The following ITPA variants were observed in gnomAD, a reference collection of about 807,000 sequenced individuals.
ITPA encodes inosine triphosphatase.
Under a neutral mutation model 29.6 loss-of-function variants are expected in ITPA, and 29 were observed. That is an observed-to-expected ratio of 0.98 (90% CI 0.73 to 1.34). The LOEUF (loss-of-function observed/expected upper bound fraction) is 1.34, where lower values mean the gene tolerates loss of function less well. Ranked by LOEUF, ITPA falls within the 40% of genes most tolerant of loss-of-function variation. The pLI is 0.00. For synonymous variants in ITPA, 103 were observed against 99.3 expected (o/e 1.04, Z -0.22); for missense variants, 241 against 251.5 (o/e 0.96, Z 0.28).
At chr20:3,218,825 G>C in intron 6 of ITPA, 193 bp downstream of exon 6, 2 of 646,214 alleles carry the variant, frequency 3.1e-6, no homozygotes, top group Non-Finnish European at 5.7e-6. Flanking sequence ...GGTGGAAAGG[G>C]TTCCCTGGGG....
intron 7 of ITPA, 30 bp from the exon 8 acceptor site, chr20:3,223,336 G>A (rs200495736): frequency 3.5e-5 from 54 of 1,550,500 alleles, no homozygotes; most frequent in Admixed American, 2.4e-4. Context: ...CTGAATCTGG[G>A]CTCCCTGAGC....
chr20:3,214,571 T>TATTTC (rs1398797909), intron 4 of ITPA, among the ~76,000 whole-genome samples: 1 of 150,624 alleles, frequency 6.6e-6, no homozygotes, highest in Non-Finnish European at 1.5e-5. Context: ...ATTTTTTAAT[T>TATTTC]ATTTTATTTT....
chr20:3,219,582 TA>T (rs2067407411), intron 6 of ITPA, among the ~76,000 whole-genome samples: 1 of 150,890 alleles, frequency 6.6e-6, no homozygotes, highest in Non-Finnish European at 1.5e-5. Flanking sequence ...CCGTCTCAAC[TA>T]AAAATACAAA....
At chr20:3,222,632 C>T (rs1035173537) in intron 7 of ITPA, among the ~76,000 whole-genome samples, 3 of 152,136 alleles carry the variant, frequency 2.0e-5, no homozygotes, top group African/African-American at 4.8e-5. Flanking sequence ...CTCTGTAGTT[C>T]GCACAAATCG....
upstream of ITPA, chr20:3,209,344 G>A: frequency 3.1e-6 from 2 of 650,938 alleles, no homozygotes; most frequent in East Asian, 2.8e-5. The surrounding 1 kb of genome is among the most constrained non-coding windows in gnomAD (Gnocchi z 4.6). Context: ...CAGTCTCCAG[G>A]CTCGGGAGGC....
At chr20:3,219,746 C>CAAAAA (rs34376287) in intron 6 of ITPA, among the ~76,000 whole-genome samples, 1 of 115,188 alleles carries the variant, frequency 8.7e-6, no homozygotes, top group Non-Finnish European at 1.7e-5. Context: ...ACTCCGTCTC[C>CAAAAA]AAAAAAAAAA....
At position 3,209,657 on chromosome 20, in the gene ITPA, G is replaced by T. The variant is rs762584675; in HGVS notation, c.66+40G>T. ...TTGGGGGCTAACTGGGAGGCGGCTG[G>T]GAATAGGGCGGAGAAGGGGCTTCCG... On this transcript the variant is annotated intron_variant, in intron 1 of 7. Transcript: ENST00000380113. This position sits in a 1 kb window ranked among gnomAD's most constrained non-coding sequence, Gnocchi z 4.6. The T allele has an allele frequency of 6.4e-7, 1 of 1,566,646 alleles. No individual in the cohort carries two copies. Among genetic ancestry groups the T allele is most frequent in the South Asian group, 1.1e-5 (1 of 89,942 alleles).
At position 3,209,709 on chromosome 20, in the gene ITPA, C is replaced by A. The variant is rs2067128040; in HGVS notation, c.66+92C>A. On this transcript the variant is annotated intron_variant, in intron 1 of 7. Coordinates refer to ENST00000380113, the MANE Select transcript of ITPA (RefSeq NM_033453.4). The surrounding 1 kb of genome is among the most constrained non-coding windows in gnomAD (Gnocchi z 4.6). ...GAGGAGGGAAGCACGTGGGAGGAGG[C>A]ATGGAGAGAGAACAGAATTCAGCCC... 5.8e-6 allele frequency: 6 copies of A among 1,031,604 alleles called. No individual in the cohort carries two copies. The highest frequency in any genetic ancestry group is 6.0e-6 in the Non-Finnish European group (4 of 670,406). The allele number at this position is 1,031,604 out of a possible 1,614,324, so 63.9% of individuals were successfully genotyped here.
At chr20:3,221,218 T>C (rs978048000) in intron 6 of ITPA, among the ~76,000 whole-genome samples, 1 of 151,862 alleles carries the variant, frequency 6.6e-6, no homozygotes, top group African/African-American at 2.4e-5. Context: ...TTCTTTCTTT[T>C]TTTTTTTTAC....
downstream of ITPA, among the ~76,000 whole-genome samples, chr20:3,224,128 G>A (rs1477190982): frequency 6.6e-6 from 1 of 152,200 alleles, no homozygotes; most frequent in Non-Finnish European, 1.5e-5. Context: ...GCTGGGTAGT[G>A]TGGCACGCCC....
rs961489707 is a variant in ITPA, at chr20:3,219,286, A to T, written c.411+654A>T. Among the ~76,000 whole-genome samples the T allele has an allele frequency of 1.4e-4, 20 of 140,724 alleles. No individual in the cohort carries two copies. In the South Asian group the frequency reaches 2.2e-3, roughly 15 times the overall value. 92.3% of individuals were successfully genotyped at this position (140,724 alleles called of 152,430 possible). A position where few individuals can be genotyped will look rare whatever the true frequency, so the allele number is the denominator to read the frequency against. On this transcript the variant is annotated intron_variant, in intron 6 of 7. Transcript: ENST00000380113. ...CAGTGGTGTCGTCTCGGCTCACTGC[A>T]ACCTCCGCCTCCAGGGTTCAAGCAT...
At chr20:3,204,651 A>C, upstream of ITPA, 3 of 1,559,592 alleles carry the variant, frequency 1.9e-6, 1 homozygote, top group Non-Finnish European at 2.6e-6. Context: ...GTGCAGAACC[A>C]CTGCGTCCAC....
At position 3,223,521 on chromosome 20, in the gene ITPA, CT is replaced by C; in HGVS notation, c.*60del. Reference sequence around the variant, plus strand: ...GATCTGGGGAGGGCTAGCCCAAAACCTCCCGCATCGGGCAGGCACCCCCTGA... The same window carrying C: ...GATCTGGGGAGGGCTAGCCCAAAACCCCCGCATCGGGCAGGCACCCCCTGA... On this transcript the variant is annotated 3_prime_UTR_variant, in exon 8 of 8. Coordinates refer to ENST00000380113, the MANE Select transcript of ITPA (RefSeq NM_033453.4). 1.5e-6 allele frequency: 2 copies of C among 1,349,066 alleles called. No homozygotes were observed. Among genetic ancestry groups the C allele is most frequent in the South Asian group, 1.2e-5 (1 of 81,932 alleles). The allele number at this position is 1,349,066 out of a possible 1,614,324, so 83.6% of individuals were successfully genotyped here.
At chr20:3,211,196 C>A (rs76648975) in intron 1 of ITPA, among the ~76,000 whole-genome samples, 1 of 148,468 alleles carries the variant, frequency 6.7e-6, no homozygotes, top group Non-Finnish European at 1.5e-5. Flanking sequence ...GACAGAGTCT[C>A]ACTCTGTCGC....
upstream of ITPA, among the ~76,000 whole-genome samples, chr20:3,207,209 C>G (rs995873365): frequency 6.6e-6 from 1 of 152,078 alleles, no homozygotes; most frequent in African/African-American, 2.4e-5. Context: ...CCCACCTCAG[C>G]CTCCTAAACA....
At chr20:3,227,075 A>C (rs551765967), downstream of ITPA, among the ~76,000 whole-genome samples, 44 of 152,298 alleles carry the variant, frequency 2.9e-4, no homozygotes, top group African/African-American at 1.1e-3. Flanking sequence ...CTTTCATCTG[A>C]GAGTCACAGG....
chr20:3,219,013 A>AT lies in ITPA; in HGVS notation c.411+388dup, dbSNP rs749675961. On this transcript the variant is annotated intron_variant, in intron 6 of 7. Transcript: ENST00000380113. ...ACTGAAGGTGACAATTCCCAAAGCT[A>AT]TTTTTTTCTGTTTATTTTATTTATT... 301 of 231,638 alleles carry AT rather than the reference A, an allele frequency of 1.3e-3. 2 individuals are homozygous for AT. The highest frequency in any genetic ancestry group is 1.8e-3 in the Non-Finnish European group (208 of 115,154). 14.3% of individuals were successfully genotyped at this position (231,638 alleles called of 1,614,324 possible). A position where few individuals can be genotyped will look rare whatever the true frequency, so the allele number is the denominator to read the frequency against.
Position 3,209,911 on chromosome 20 carries a change from G to T in ITPA, c.66+294G>T, listed in dbSNP as rs1359562693. Among the ~76,000 whole-genome samples the T allele has an allele frequency of 1.3e-5, 2 of 152,102 alleles. No individual in the cohort carries two copies. The highest frequency in any genetic ancestry group is 4.8e-5 in the African/African-American group (2 of 41,426). On this transcript the variant is annotated intron_variant, in intron 1 of 7. Coordinates refer to ENST00000380113, the MANE Select transcript of ITPA (RefSeq NM_033453.4). This position sits in a 1 kb window ranked among gnomAD's most constrained non-coding sequence, Gnocchi z 4.6. ...AGGAGTAGCGGGGCTCTTAACAACC[G>T]CCCCGAAGGTCACCTATTGAAGTAG...
Position 3,221,825 on chromosome 20 carries a change from C to A in ITPA, c.412-16C>A, listed in dbSNP as rs1381302421. On this transcript the variant is annotated splice_polypyrimidine_tract_variant and intron_variant, in intron 6 of 7. Transcript: ENST00000380113. The stretch of plus-strand genomic sequence containing the variant: ...CTGGACCCAGTTACACACCTGTCCC[C>A]CCTTTCCTGTGGCAGGGCCGGATCG... 1.9e-6 allele frequency: 3 copies of A among 1,613,854 alleles called. No individual in the cohort carries two copies. The highest frequency in any genetic ancestry group is 1.1e-5 in the South Asian group (1 of 91,078).
Sources: allele counts gnomAD v4.1 joint callset (sites outside exome capture counted in the v4.1 genomes callset), GRCh38; gene constraint gnomAD v4.1.1; non-coding constraint Gnocchi (gnomAD v3.1); transcripts MANE v1.5; gene names NCBI Gene and HGNC (gene_info 2026-07-23, HGNC 2026-07-21).